Variants in CLRN1 observed in about 807,000 individuals in gnomAD.
CLRN1 encodes the protein clarin 1, also known as clarin-1.
In CLRN1, 15 loss-of-function variants were observed where a neutral mutation model predicts 18.7. The observed-to-expected ratio is 0.80, with a 90% confidence interval of 0.54 to 1.23. The LOEUF (loss-of-function observed/expected upper bound fraction) is 1.23. CLRN1 is among the 50% of genes most tolerant of loss of function. The pLI is 0.00. For missense variants in CLRN1, 311 were observed against 277.5 expected (o/e 1.12, Z -0.86); for synonymous variants, 104 against 102.9 (o/e 1.01, Z -0.07).
rs558161150 is a variant in CLRN1 at position 150,927,101 on chromosome 3, C to A, written c.*835G>T. 202 of 750,718 alleles carry A rather than the reference C, an allele frequency of 2.7e-4. 2 individuals are homozygous for A. The highest frequency in any genetic ancestry group is 8.1e-4 in the Admixed American group (40 of 49,490). 46.5% of individuals were successfully genotyped at this position (750,718 alleles called of 1,614,324 possible). On this transcript the variant is annotated 3_prime_UTR_variant, in exon 3 of 3. Coordinates refer to ENST00000327047, the MANE Select transcript of CLRN1 (RefSeq NM_174878.3). ...TAAGCAGAGATCATTTTTCATGATT[C>A]CTCAGTGGTCCTAACAATTATGTTC...
intron 1 of CLRN1, among the ~76,000 whole-genome samples, chr3:150,958,301 C>T (rs1047501778): frequency 2.0e-5 from 3 of 152,032 alleles, no homozygotes; most frequent in African/African-American, 7.2e-5. Flanking sequence ...AAATATTTCC[C>T]TTCCTTTCTA....
intron 1 of CLRN1, among the ~76,000 whole-genome samples, chr3:150,955,096 G>A (rs532296427): frequency 2.0e-5 from 3 of 152,152 alleles, no homozygotes; most frequent in African/African-American, 4.8e-5. Flanking sequence ...ACAATAACTC[G>A]GATAGATCTT....
chr3:150,948,670 C>T (rs1478743273), intron 1 of CLRN1, among the ~76,000 whole-genome samples: 3 of 151,924 alleles, frequency 2.0e-5, no homozygotes, highest in Non-Finnish European at 2.9e-5. Flanking sequence ...AAAAAACCGA[C>T]TCCACTTCTA....
At chr3:150,962,261 A>G (rs530263373) in intron 1 of CLRN1, among the ~76,000 whole-genome samples, 63 of 152,364 alleles carry the variant, frequency 4.1e-4, no homozygotes, top group African/African-American at 1.4e-3. Context: ...ACTACCAGGT[A>G]CAAAGTTTGC....
chr3:150,942,747 A>G (rs965560104), intron 1 of CLRN1: 2 of 290,706 alleles, frequency 6.9e-6, no homozygotes, highest in Non-Finnish European at 1.4e-5. Context: ...CGCATGTGTC[A>G]CTTCTCATTT....
In CLRN1 at chr3:150,942,955, G is replaced by C. The variant is rs149686822; in HGVS notation, c.254-1194C>G. Among the ~76,000 whole-genome samples the C allele has an allele frequency of 3.1e-3, 465 of 152,228 alleles. 5 individuals are homozygous for C. The highest frequency in any genetic ancestry group is 0.011 in the African/African-American group (445 of 41,528). On this transcript the variant is annotated intron_variant, in intron 1 of 2. Coordinates refer to ENST00000327047, the MANE Select transcript of CLRN1 (RefSeq NM_174878.3). The stretch of plus-strand genomic sequence containing the variant: ...CCAGGCTACTCTTCTGGAGAGAAAG[G>C]CTGCCTGGAGGAGCACTGAGGCACC...
chr3:150,963,866 A>G (rs972233010), intron 1 of CLRN1, among the ~76,000 whole-genome samples: 1 of 152,236 alleles, frequency 6.6e-6, no homozygotes, highest in Non-Finnish European at 1.5e-5. Context: ...AGCCATATGC[A>G]GAAAACTAAA....
At chr3:150,964,706 C>T (rs757655243) in intron 1 of CLRN1, among the ~76,000 whole-genome samples, 10 of 152,144 alleles carry the variant, frequency 6.6e-5, no homozygotes, top group Non-Finnish European at 1.5e-4. Flanking sequence ...ACATGTATAC[C>T]ATAGAATGGT....
At chr3:150,958,990 C>A (rs1007558559) in intron 1 of CLRN1, among the ~76,000 whole-genome samples, 4 of 152,306 alleles carry the variant, frequency 2.6e-5, no homozygotes, top group Middle Eastern at 3.4e-3. Context: ...GAAGCTCCAG[C>A]CAATCTCCAA....
chr3:150,950,599 T>C (rs1050113830), intron 1 of CLRN1, among the ~76,000 whole-genome samples: 1 of 152,082 alleles, frequency 6.6e-6, no homozygotes, highest in African/African-American at 2.4e-5. Context: ...AAAACAACAA[T>C]GAAATACCAT....
Position 150,950,984 on chromosome 3 carries a change from C to G in CLRN1, c.254-9223G>C, listed in dbSNP as rs950969949. ...GCAATAAAAATGAATGAGATCATGT[C>G]TTTTGCAGGAAGATAGATGGAGTTG... On this transcript the variant is annotated intron_variant, in intron 1 of 2. Coordinates refer to ENST00000327047, the MANE Select transcript of CLRN1 (RefSeq NM_174878.3). Among the ~76,000 whole-genome samples the G allele has an allele frequency of 2.0e-5, 3 of 152,212 alleles. No individual in the cohort carries two copies. In the East Asian group the frequency reaches 5.8e-4, roughly 29 times the overall value.
At chr3:150,936,115 T>C (rs1206872726) in intron 2 of CLRN1, among the ~76,000 whole-genome samples, 3 of 152,102 alleles carry the variant, frequency 2.0e-5, no homozygotes, top group African/African-American at 4.8e-5. Context: ...CTCTGATTCT[T>C]TTGCTGTGCA....
intron 1 of CLRN1, among the ~76,000 whole-genome samples, chr3:150,948,477 C>CA (rs1714299992): frequency 8.9e-6 from 1 of 112,500 alleles, no homozygotes; most frequent in Admixed American, 9.6e-5. Flanking sequence ...GAGCGAGACT[C>CA]CGTCTCAAAA....
In CLRN1 at chr3:150,927,489, A is replaced by T. The variant is rs1391623686; in HGVS notation, c.*447T>A. 3 of 453,640 alleles carry T rather than the reference A, an allele frequency of 6.6e-6. No homozygotes were observed. Among genetic ancestry groups the T allele is most frequent in the Non-Finnish European group, 1.3e-5 (3 of 226,718 alleles). 28.1% of individuals were successfully genotyped at this position (453,640 alleles called of 1,614,324 possible). A position where few individuals can be genotyped will look rare whatever the true frequency, so the allele number is the denominator to read the frequency against. On this transcript the variant is annotated 3_prime_UTR_variant, in exon 3 of 3. Transcript: ENST00000327047. ...GATACATTTTATAGATGTTCATTTAATACACTACTGTTTTAGGAAAGCGAT... is the reference window on the plus strand; with the variant it reads ...GATACATTTTATAGATGTTCATTTATTACACTACTGTTTTAGGAAAGCGAT...
intron 2 of CLRN1, among the ~76,000 whole-genome samples, chr3:150,939,256 A>G (rs1392944557): frequency 1.3e-5 from 2 of 152,222 alleles, no homozygotes; most frequent in African/African-American, 4.8e-5. Flanking sequence ...CCCTGGTGGC[A>G]GCAACTGGGG....
chr3:150,934,421 A>G (rs984308323), intron 2 of CLRN1, among the ~76,000 whole-genome samples: 9 of 152,222 alleles, frequency 5.9e-5, no homozygotes, highest in Admixed American at 5.2e-4. Flanking sequence ...AAGAGAAGCT[A>G]TATGTAAGAA....
chr3:150,967,604 C>A (rs1159369780), intron 1 of CLRN1, among the ~76,000 whole-genome samples: 1 of 152,168 alleles, frequency 6.6e-6, no homozygotes, highest in East Asian at 1.9e-4. Context: ...CCCATACCTG[C>A]TTCCACACAG....
chr3:150,950,353 ACAAT>A (rs1462545515), intron 1 of CLRN1, among the ~76,000 whole-genome samples: 1 of 152,236 alleles, frequency 6.6e-6, no homozygotes, highest in Non-Finnish European at 1.5e-5. Context: ...GGTAAAAGAA[ACAAT>A]CAAAAGAGTA....
upstream of CLRN1, chr3:150,972,762 A>G (rs1715615636): frequency 2.5e-6 from 4 of 1,613,300 alleles, no homozygotes; most frequent in East Asian, 2.2e-5. Context: ...CTTTGTGAGC[A>G]ATGGGAAGGG....
Sources: gnomAD v4.1 joint callset for allele counts (sites outside exome capture counted in the v4.1 genomes callset) on GRCh38, gnomAD v4.1.1 for gene constraint, MANE v1.5 for transcripts, NCBI Gene and HGNC (gene_info 2026-07-23, HGNC 2026-07-21) for gene names.